Variants in KIAA0825 observed in about 807,000 individuals in gnomAD.
KIAA0825 encodes uncharacterized protein KIAA0825.
In KIAA0825, 119 loss-of-function variants were observed where a neutral mutation model predicts 147.6. The ratio of observed to expected loss-of-function variants is 0.81; its 90% CI spans 0.69 to 0.94. KIAA0825 has a LOEUF of 0.94. Ranked by LOEUF, KIAA0825 falls within the 40% of genes least tolerant of loss-of-function variation. The pLI is 0.00. For missense variants in KIAA0825, 1,381 were observed against 1,472.7 expected (o/e 0.94, Z 1.02); for synonymous variants, 470 against 518.1 (o/e 0.91, Z 1.26).
At chr5:94,541,360 G>A (rs896027554) in intron 2 of KIAA0825, among the ~76,000 whole-genome samples, 1 of 152,160 alleles carries the variant, frequency 6.6e-6, no homozygotes, top group African/African-American at 2.4e-5. Context: ...TGAGACTATT[G>A]AAAAACAGTC....
At chr5:94,328,836 G>A (rs1240655198) in intron 20 of KIAA0825, among the ~76,000 whole-genome samples, 1 of 151,802 alleles carries the variant, frequency 6.6e-6, no homozygotes, top group African/African-American at 2.4e-5. Flanking sequence ...TAATTTTGAT[G>A]AAGAATAATA....
intron 8 of KIAA0825, among the ~76,000 whole-genome samples, chr5:94,472,622 T>G (rs1761356546): frequency 6.6e-6 from 1 of 152,060 alleles, no homozygotes. Flanking sequence ...CGGGCGCCTT[T>G]AGTCCCAGCT....
At chr5:94,462,604 CA>C in intron 11 of KIAA0825, 35 bp from the exon 12 acceptor site, 1 of 1,301,462 alleles carries the variant, frequency 7.7e-7, no homozygotes, top group Admixed American at 2.8e-5. Flanking sequence ...TCATGTTAAA[CA>C]AAATAATGTC....
At chr5:94,387,682 G>C (rs1237362160) in intron 18 of KIAA0825, among the ~76,000 whole-genome samples, 7 of 150,522 alleles carry the variant, frequency 4.7e-5, no homozygotes, top group Admixed American at 4.0e-4. Context: ...GCGACAGAGA[G>C]ACTCCATCTC....
At chr5:94,425,023 A>G (rs191219314) in intron 14 of KIAA0825, among the ~76,000 whole-genome samples, 15 of 152,282 alleles carry the variant, frequency 9.9e-5, no homozygotes, top group African/African-American at 3.4e-4. Context: ...AGAAAAGTAC[A>G]AGACCAGAGG....
intron 5 of KIAA0825, among the ~76,000 whole-genome samples, chr5:94,496,850 C>G (rs1003559278): frequency 6.6e-6 from 1 of 152,034 alleles, no homozygotes; most frequent in Non-Finnish European, 1.5e-5. Context: ...AATGAAAATG[C>G]TACATAAATA....
chr5:94,176,668 C>T (rs1229653344), intron 20 of KIAA0825, among the ~76,000 whole-genome samples: 1 of 152,048 alleles, frequency 6.6e-6, no homozygotes, highest in Non-Finnish European at 1.5e-5. Flanking sequence ...TAGACCAATG[C>T]TTCTTTCACA....
chr5:94,319,465 G>A (rs946088593), intron 20 of KIAA0825, among the ~76,000 whole-genome samples: 13 of 151,756 alleles, frequency 8.6e-5, no homozygotes, highest in Admixed American at 2.6e-4. Context: ...CTTCCTAGAT[G>A]TCTTAAAGCC....
At chr5:94,466,170 A>G (rs1459103626) in intron 10 of KIAA0825, among the ~76,000 whole-genome samples, 2 of 151,964 alleles carry the variant, frequency 1.3e-5, no homozygotes, top group Non-Finnish European at 2.9e-5. Flanking sequence ...AAAGTTGATC[A>G]TTTCTTATGT....
At position 94,265,406 on chromosome 5, in the gene KIAA0825, A is replaced by G. The variant is rs1248138966; in HGVS notation, c.3711-111282T>C. On this transcript the variant is annotated intron_variant, in intron 20 of 20. Transcript: ENST00000682413. ...TTTCACTGTGTTAAAATTTGCACCAATGGTAAGTAAAATCGCTGATGCCTT... is the reference window on the plus strand; with the variant it reads ...TTTCACTGTGTTAAAATTTGCACCAGTGGTAAGTAAAATCGCTGATGCCTT... Among the ~76,000 whole-genome samples the G allele has an allele frequency of 3.3e-5, 5 of 152,316 alleles. No individual in the cohort carries two copies. The East Asian group carries it at 9.6e-4, about 29-fold the overall frequency.
chr5:94,546,665 T>C (rs962372802), intron 2 of KIAA0825, among the ~76,000 whole-genome samples: 3 of 151,748 alleles, frequency 2.0e-5, no homozygotes, highest in Non-Finnish European at 2.9e-5. Flanking sequence ...GCAAGAACCA[T>C]AGTGTAACTG....
chr5:94,446,397 A>G (rs945534843), intron 13 of KIAA0825, among the ~76,000 whole-genome samples: 1 of 152,200 alleles, frequency 6.6e-6, no homozygotes, highest in Non-Finnish European at 1.5e-5. Flanking sequence ...TAAAAATGCT[A>G]TTAGAAGTTG....
intron 5 of KIAA0825, among the ~76,000 whole-genome samples, chr5:94,493,101 G>T (rs931883944): frequency 6.6e-6 from 1 of 152,090 alleles, no homozygotes; most frequent in African/African-American, 2.4e-5. Context: ...TCTGGCTGAG[G>T]CCCTCTGCCT....
chr5:94,389,715 T>G (rs577562705), intron 18 of KIAA0825, among the ~76,000 whole-genome samples: 1 of 152,332 alleles, frequency 6.6e-6, no homozygotes, highest in South Asian at 2.1e-4. Flanking sequence ...CAATGTCACT[T>G]ACAGCATAGC....
chr5:94,478,082 A>G (rs1178558115), intron 6 of KIAA0825, among the ~76,000 whole-genome samples: 1 of 152,162 alleles, frequency 6.6e-6, no homozygotes, highest in Non-Finnish European at 1.5e-5. Flanking sequence ...TGTCTTTATC[A>G]GTAGGGATTC....
chr5:94,423,129 C>A (rs1187923634), intron 14 of KIAA0825, among the ~76,000 whole-genome samples: 1 of 152,102 alleles, frequency 6.6e-6, no homozygotes, highest in East Asian at 1.9e-4. Context: ...CAAGGAAGTC[C>A]TATAGTTTTC....
chr5:94,272,687 C>T (rs1290118269), intron 20 of KIAA0825, among the ~76,000 whole-genome samples: 3 of 152,062 alleles, frequency 2.0e-5, no homozygotes, highest in Non-Finnish European at 2.9e-5. Flanking sequence ...AAAAATAATT[C>T]CTGACTTGGG....
chr5:94,231,524 A>C (rs957190685), intron 20 of KIAA0825, among the ~76,000 whole-genome samples: 42 of 152,292 alleles, frequency 2.8e-4, no homozygotes, highest in Middle Eastern at 3.4e-3. Flanking sequence ...AAGTACATAA[A>C]GAAGTAAGTT....
intron 20 of KIAA0825, among the ~76,000 whole-genome samples, chr5:94,234,223 T>A (rs879568710): frequency 4.6e-5 from 7 of 151,072 alleles, no homozygotes; most frequent in Non-Finnish European, 7.4e-5. Flanking sequence ...TACAAAAAAT[T>A]AGCCGGGCGT....
Sources: allele counts gnomAD v4.1 joint callset (sites outside exome capture counted in the v4.1 genomes callset), GRCh38; gene constraint gnomAD v4.1.1; transcripts MANE v1.5; gene names NCBI Gene and HGNC (gene_info 2026-07-23, HGNC 2026-07-21).